GPT: variants seen among roughly 807,000 people sequenced by gnomAD.
The protein encoded by GPT is alanine aminotransferase 1.
Under a neutral mutation model 51.4 loss-of-function variants are expected in GPT, and 60 were observed. The observed-to-expected ratio is 1.17, with a 90% CI of 0.95 to 1.45. GPT has a LOEUF of 1.45. GPT is among the 40% of genes most tolerant of loss of function. The pLI is 0.00. For missense variants in GPT, 853 were observed against 704.0 expected, an observed-to-expected ratio of 1.21 and a Z score of -2.40; for synonymous variants, 397 against 303.1, an observed-to-expected ratio of 1.31 and a Z score of -3.22.
chr8:144,506,106 T>TC lies in GPT; in HGVS notation c.933dup (p.Thr312HisfsTer67), dbSNP rs769734771. The TC allele has an allele frequency of 1.1e-5, 17 of 1,612,078 alleles. No individual in the cohort carries two copies. The highest frequency in any genetic ancestry group is 1.4e-5 in the Non-Finnish European group (17 of 1,179,628). On this transcript the variant is annotated frameshift_variant, in exon 7 of 11. Transcript: ENST00000394955. LOFTEE classifies it high-confidence loss of function. This position sits in a 1 kb window ranked among gnomAD's most constrained non-coding sequence, Gnocchi z 7.0. The stretch of plus-strand genomic sequence containing the variant: ...GCAGCAGGAGCTTGCCTCCTTCCAC[T>TC]CCACCTCCAAGGGCTACATGGGCGA...
In GPT at chr8:144,505,061, G is replaced by A. The variant is rs141571140; in HGVS notation, c.425G>A (p.Arg142Lys). The A allele has an allele frequency of 1.7e-5, 28 of 1,613,084 alleles. No homozygotes were observed. Among genetic ancestry groups the A allele is most frequent in the African/African-American group, 2.7e-5 (2 of 74,924 alleles). The stretch of plus-strand genomic sequence containing the variant: ...GAGGACGTGGCGCGGTACATTGAGA[G>A]GCGTGACGGAGGCATCCCTGCGGAC... ...IREDVARYIE[R>K]RDGGIPADPN... The change falls in exon 4 of 11, where the codon AGG becomes AAG. Residue 142 changes from arginine to lysine, a missense_variant. Physicochemically the swap from Arg to Lys is conservative, Grantham distance 26. Transcript: ENST00000394955.
rs1826815439 is a variant in GPT at position 144,506,481 on chromosome 8, C to T, written c.1132-20C>T. The T allele has an allele frequency of 1.3e-6, 2 of 1,589,240 alleles. No homozygotes were observed. The highest frequency in any genetic ancestry group is 1.7e-6 in the Non-Finnish European group (2 of 1,169,178). ...ATGCCGAGTGCCGTGCCCTGATGGG[C>T]CCTCCCTCCGCGGCCACAGGAGAAG... On this transcript the variant is annotated intron_variant, in intron 8 of 10. Coordinates refer to ENST00000394955, the MANE Select transcript of GPT (RefSeq NM_005309.3). This position sits in a 1 kb window ranked among gnomAD's most constrained non-coding sequence, Gnocchi z 7.0.
chr8:144,505,305 C>T lies in GPT; in HGVS notation c.555C>T (p.Pro185=), dbSNP rs1402254238. Residue 185 remains proline, a synonymous_variant, in exon 5 of 11, where the codon CCC becomes CCT. Transcript: ENST00000394955. ...ACACACGCACGGGTGTGCTCATCCC[C>T]ATCCCCCAGTACCCACTCTACTCGG... ...EGHTRTGVLI[P]IPQYPLYSAT... 3 of 1,572,006 alleles carry T rather than the reference C, an allele frequency of 1.9e-6. No individual in the cohort carries two copies. The highest frequency in any genetic ancestry group is 1.4e-5 in the African/African-American group (1 of 74,002).
At position 144,506,824 on chromosome 8, in the gene GPT, G is replaced by T; in HGVS notation, c.1381G>T (p.Glu461Ter). 6.2e-7 allele frequency: 1 copy of T among 1,612,770 alleles called. No homozygotes were observed. The highest frequency in any genetic ancestry group is 8.5e-7 in the Non-Finnish European group (1 of 1,179,972). ...GCCAGGGAGCGGCTTTGGGCAGCGG[G>T]AAGGCACCTACCACTTCCGGTGAGG... ...VVPGSGFGQREGTYHFRMTIL... is the reference protein window; with the variant it reads ...VVPGSGFGQR Residue 461 changes from glutamate (E) to a stop codon, truncating the protein, a stop_gained, in exon 10 of 11, where the codon GAA becomes TAA. Coordinates refer to ENST00000394955, the MANE Select transcript of GPT (RefSeq NM_005309.3). LOFTEE classifies it high-confidence loss of function. This position sits in a 1 kb window ranked among gnomAD's most constrained non-coding sequence, Gnocchi z 7.0.
intron 3 of GPT, 34 bp from the exon 4 acceptor site, chr8:144,504,964 C>T (rs749635812): frequency 2.5e-6 from 4 of 1,612,874 alleles, no homozygotes; most frequent in East Asian, 4.5e-5. Flanking sequence ...GAGAACTTCA[C>T]CTGTACTTCC....
chr8:144,506,012 G>C lies in GPT; in HGVS notation c.837G>C (p.Val279=). ...CCTTCCAGGTGTACCAGGACAACGT[G>C]TACGCCGCGGGTTCGCAGTTCCACT... The part of the protein sequence containing the change: ...LLADEVYQDN[V]YAAGSQFHSF... Residue 279 remains valine (V), a synonymous_variant, in exon 7 of 11, where the codon GTG becomes GTC. Coordinates refer to ENST00000394955, the MANE Select transcript of GPT (RefSeq NM_005309.3). This position sits in a 1 kb window ranked among gnomAD's most constrained non-coding sequence, Gnocchi z 7.0. 6.2e-7 allele frequency: 1 copy of C among 1,612,424 alleles called. No homozygotes were observed. The highest frequency in any genetic ancestry group is 1.1e-5 in the South Asian group (1 of 91,086).
chr8:144,505,825 C>A (rs751317477), intron 5 of GPT, 23 bp from the exon 6 acceptor site: 5 of 1,541,438 alleles, frequency 3.2e-6, no homozygotes, highest in Non-Finnish European at 4.4e-6. Context: ...TCACCCAGCA[C>A]TGCTGCCTCC....
Position 144,505,287 on chromosome 8 carries a change from C to T in GPT, c.537C>T (p.Arg179=), listed in dbSNP as rs747843263. 23 of 1,580,278 alleles carry T rather than the reference C, an allele frequency of 1.5e-5. No homozygotes were observed. ...KLLVAGEGHT[R]TGVLIPIPQY... ...TGGTGGCCGGCGAGGGCCACACACG[C>T]ACGGGTGTGCTCATCCCCATCCCCC... is the stretch of plus-strand genomic sequence containing the variant. Residue 179 remains arginine, a synonymous_variant, in exon 5 of 11, where the codon CGC becomes CGT. Transcript: ENST00000394955.
chr8:144,506,489 C>T lies in GPT; in HGVS notation c.1132-12C>T. ...TGCCGTGCCCTGATGGGCCCTCCCT[C>T]CGCGGCCACAGGAGAAGCAGGCAGT... On this transcript the variant is annotated splice_polypyrimidine_tract_variant and intron_variant, in intron 8 of 10. Transcript: ENST00000394955. The surrounding 1 kb of genome is among the most constrained non-coding windows in gnomAD (Gnocchi z 7.0). The T allele has an allele frequency of 2.5e-6, 4 of 1,592,702 alleles. No homozygotes were observed. In the South Asian group the frequency reaches 3.4e-5, roughly 14 times the overall value.
chr8:144,505,289 C>A lies in GPT; in HGVS notation c.539C>A (p.Thr180Lys). 1.9e-6 allele frequency: 3 copies of A among 1,579,142 alleles called. No individual in the cohort carries two copies. The highest frequency in any genetic ancestry group is 2.3e-5 in the South Asian group (2 of 87,334). Residue 180 changes from threonine (T) to lysine (K), a missense_variant, in exon 5 of 11, where the codon ACG becomes AAG. Coordinates refer to ENST00000394955, the MANE Select transcript of GPT (RefSeq NM_005309.3). ...GTGGCCGGCGAGGGCCACACACGCA[C>A]GGGTGTGCTCATCCCCATCCCCCAG... ...LLVAGEGHTR[T>K]GVLIPIPQYP...
chr8:144,506,468 G>C lies in GPT; in HGVS notation c.1132-33G>C, dbSNP rs370730581. ...TCAGGGGTGGGGGATGCCGAGTGCC[G>C]TGCCCTGATGGGCCCTCCCTCCGCG... is the stretch of plus-strand genomic sequence containing the variant. On this transcript the variant is annotated intron_variant, in intron 8 of 10. Coordinates refer to ENST00000394955, the MANE Select transcript of GPT (RefSeq NM_005309.3). This position sits in a 1 kb window ranked among gnomAD's most constrained non-coding sequence, Gnocchi z 7.0. 1.3e-6 allele frequency: 2 copies of C among 1,581,970 alleles called. No homozygotes were observed. The highest frequency in any genetic ancestry group is 1.2e-5 in the South Asian group (1 of 86,760).
chr8:144,504,183 T>C lies in GPT; in HGVS notation c.-122T>C. Reference sequence around the variant, plus strand: ...GAAGAGGGTGCTCTCTTGCCTGGAGTTCCCTCTGCTACGGCTGCCCCCTCC... The same window carrying C: ...GAAGAGGGTGCTCTCTTGCCTGGAGCTCCCTCTGCTACGGCTGCCCCCTCC... On this transcript the variant is annotated 5_prime_UTR_variant, in exon 1 of 11. Transcript: ENST00000394955. 9.7e-7 allele frequency: 1 copy of C among 1,030,292 alleles called. No individual in the cohort carries two copies. Among genetic ancestry groups the C allele is most frequent in the Non-Finnish European group, 1.5e-6 (1 of 688,570 alleles). The allele number at this position is 1,030,292 out of a possible 1,614,324, so 63.8% of individuals were successfully genotyped here.
chr8:144,504,173 T>A lies in GPT; in HGVS notation c.-132T>A. On this transcript the variant is annotated 5_prime_UTR_variant, in exon 1 of 11. The change creates a new upstream start codon in the 5' untranslated region. Transcript: ENST00000394955. ...CAGCTGCGGTGAAGAGGGTGCTCTC[T>A]TGCCTGGAGTTCCCTCTGCTACGGC... 1 of 938,500 alleles carries A rather than the reference T, an allele frequency of 1.1e-6. No homozygotes were observed. The highest frequency in any genetic ancestry group is 1.6e-6 in the Non-Finnish European group (1 of 606,510). 58.1% of individuals were successfully genotyped at this position (938,500 alleles called of 1,614,324 possible).
In GPT at chr8:144,504,595, C is replaced by G. The variant is rs369547937; in HGVS notation, c.163-9C>G. The G allele has an allele frequency of 1.8e-5, 29 of 1,612,632 alleles. No individual in the cohort carries two copies. In the African/African-American group the frequency reaches 3.1e-4, roughly 17 times the overall value. ...CACAGTCTCCCTGCCTGCTCCCCTC[C>G]CCTCCCAGGGTGTGAAGAAGCCTTT... On this transcript the variant is annotated splice_polypyrimidine_tract_variant and intron_variant, in intron 1 of 10. Coordinates refer to ENST00000394955, the MANE Select transcript of GPT (RefSeq NM_005309.3).
At position 144,506,121 on chromosome 8, in the gene GPT, T is replaced by C. The variant is rs1218815364; in HGVS notation, c.946T>C (p.Tyr316His). The stretch of plus-strand genomic sequence containing the variant: ...CTCCTTCCACTCCACCTCCAAGGGC[T>C]ACATGGGCGAGTGCGTGCGTACGAG... ...LASFHSTSKG[Y>H]MGECGFRGGY... The change falls in exon 7 of 11, where the codon TAC becomes CAC. Residue 316 changes from tyrosine (Y) to histidine (H), a missense_variant. Tyr to His is a moderately conservative substitution (Grantham distance 83, BLOSUM62 2). Coordinates refer to ENST00000394955, the MANE Select transcript of GPT (RefSeq NM_005309.3). The surrounding 1 kb of genome is among the most constrained non-coding windows in gnomAD (Gnocchi z 7.0). 2 of 1,611,960 alleles carry C rather than the reference T, an allele frequency of 1.2e-6. No homozygotes were observed. Among genetic ancestry groups the C allele is most frequent in the Non-Finnish European group, 1.7e-6 (2 of 1,179,528 alleles).
In GPT at chr8:144,506,412, T is replaced by C. The variant is rs1279266568; in HGVS notation, c.1131+6T>C. 3.2e-6 allele frequency: 5 copies of C among 1,559,648 alleles called. No individual in the cohort carries two copies. The South Asian group carries it at 4.7e-5, about 15-fold the overall frequency. ...CCTTTGCGCAGTTCCAGGCTGTGAG[T>C]TGGGGGCAGGAGGGGGTCCAGGTGA... On this transcript the variant is annotated splice_donor_region_variant and intron_variant, in intron 8 of 10. Transcript: ENST00000394955. The surrounding 1 kb of genome is among the most constrained non-coding windows in gnomAD (Gnocchi z 7.0).
In GPT at chr8:144,504,879, G is replaced by A. The variant is rs1826707737; in HGVS notation, c.361G>A (p.Gly121Arg). 1 of 1,613,190 alleles carries A rather than the reference G, an allele frequency of 6.2e-7. No homozygotes were observed. The highest frequency in any genetic ancestry group is 1.1e-5 in the South Asian group (1 of 91,086). The change falls in exon 3 of 11, where the codon GGG becomes AGG. Residue 121 changes from glycine to arginine, a missense_variant and splice_region_variant. Coordinates refer to ENST00000394955, the MANE Select transcript of GPT (RefSeq NM_005309.3). Reference sequence around the variant, plus strand: ...GCAGGCGTGTGGGGGCCACAGTCTGGGTGAGAGCCAGGGCCAGGAGGAAGC... The same window carrying A: ...GCAGGCGTGTGGGGGCCACAGTCTGAGTGAGAGCCAGGGCCAGGAGGAAGC... ...ILQACGGHSL[G>R]AYSVSSGIQL...
At chr8:144,504,524 C>T (rs1369572603) in intron 1 of GPT, 58 bp downstream of exon 1, 2 of 1,608,840 alleles carry the variant, frequency 1.2e-6, no homozygotes, top group Non-Finnish European at 1.7e-6. Context: ...CGAGTTGGCC[C>T]CAGCCCCACT....
chr8:144,503,919 T>C (rs1280957425), upstream of GPT: 2 of 287,308 alleles, frequency 7.0e-6, no homozygotes, highest in Non-Finnish European at 1.4e-5. Flanking sequence ...CCTCCCCCCA[T>C]GTCTAGTCCC....
Sources: gnomAD v4.1 joint callset for allele counts on GRCh38, gnomAD v4.1.1 for gene constraint, Gnocchi (gnomAD v3.1) non-coding constraint, MANE v1.5 for transcripts, NCBI Gene and HGNC (gene_info 2026-07-23, HGNC 2026-07-21) for gene names.